The following JAKMIP1 variants were observed in gnomAD, a reference collection of about 807,000 sequenced individuals.
JAKMIP1 encodes the protein janus kinase and microtubule interacting protein 1.
Under a neutral mutation model 113.0 loss-of-function variants are expected in JAKMIP1, and 33 were observed. The observed-to-expected ratio is 0.29, with a 90% CI of 0.22 to 0.39. JAKMIP1 has a LOEUF of 0.39. Ranked by LOEUF, JAKMIP1 falls within the 10% of genes least tolerant of loss-of-function variation. The pLI, the probability that JAKMIP1 is intolerant of heterozygous loss-of-function variation, is 1.00. For synonymous variants in JAKMIP1, 480 were observed against 459.9 expected (o/e 1.04, Z -0.56); for missense variants, 813 against 1,080.5 (o/e 0.75, Z 3.47).
In JAKMIP1 at chr4:6,105,724, C is replaced by G; in HGVS notation, c.373G>C (p.Ala125Pro). The G allele has an allele frequency of 6.2e-7, 1 of 1,601,386 alleles. No individual in the cohort carries two copies. The highest frequency in any genetic ancestry group is 8.5e-7 in the Non-Finnish European group (1 of 1,177,334). ...AGCAGCGCCGTCTTGACCTTGTCGGCCGCGCCGTCGCGCAGCACGTTCAGC... is the reference window on the plus strand; with the variant it reads ...AGCAGCGCCGTCTTGACCTTGTCGGGCGCGCCGTCGCGCAGCACGTTCAGC... ...ATLNVLRDGA[A>P]DKVKTALLTE... The change falls in exon 3 of 21, where the codon GCC becomes CCC. Residue 125 changes from alanine to proline, a missense_variant. This residue lies in a region of JAKMIP1 where 540 missense variants were observed against 653.9 expected (regional missense o/e 0.83). Transcript: ENST00000409021.
rs1578224604 is a variant in JAKMIP1 at position 6,098,524 on chromosome 4, A to G, written c.624+6949T>C. Among the ~76,000 whole-genome samples the G allele has an allele frequency of 5.9e-5, 5 of 85,050 alleles. No individual in the cohort carries two copies. In the South Asian group the frequency reaches 2.0e-3, roughly 34 times the overall value. The allele number at this position is 85,050 out of a possible 152,430, so 55.8% of individuals were successfully genotyped here. ...AAGAAAGGAAAGGAAGGAAGGAAGAAAGAGAGAGAGAGAGAGAAAGAAAAA... is the reference window on the plus strand; with the variant it reads ...AAGAAAGGAAAGGAAGGAAGGAAGAGAGAGAGAGAGAGAGAGAAAGAAAAA... On this transcript the variant is annotated intron_variant, in intron 3 of 20. Transcript: ENST00000409021.
chr4:6,073,665 AG>A (rs1196236043), intron 8 of JAKMIP1, among the ~76,000 whole-genome samples: 1 of 152,224 alleles, frequency 6.6e-6, no homozygotes. Context: ...GCAAAGAACC[AG>A]AAGCTTCCTT....
rs1190327082 is a variant in JAKMIP1, at chr4:6,097,354, T to TA, written c.624+8118dup. ...ATCACTTCTTACACTTATTCACACA[T>TA]ACCACTGATACAGTGGAGAAGATAA... On this transcript the variant is annotated intron_variant, in intron 3 of 20. Transcript: ENST00000409021. The surrounding 1 kb of genome is among the most constrained non-coding windows in gnomAD (Gnocchi z 4.3). Among the ~76,000 whole-genome samples, 5 of 152,202 alleles carry TA rather than the reference T, an allele frequency of 3.3e-5. No individual in the cohort carries two copies. Among genetic ancestry groups the TA allele is most frequent in the Non-Finnish European group, 5.9e-5 (4 of 68,040 alleles).
chr4:6,122,241 G>A (rs568803831), intron 1 of JAKMIP1, among the ~76,000 whole-genome samples: 2 of 152,216 alleles, frequency 1.3e-5, no homozygotes, highest in South Asian at 2.1e-4. Flanking sequence ...CAGGAGATTC[G>A]CTTGAACCTA....
chr4:6,105,124 G>C (rs1713684494), intron 3 of JAKMIP1, among the ~76,000 whole-genome samples: 1 of 152,242 alleles, frequency 6.6e-6, no homozygotes, highest in African/African-American at 2.4e-5. Flanking sequence ...CAGTTGGCCG[G>C]CCTGCCCTGA....
chr4:6,085,596 G>A lies in JAKMIP1; in HGVS notation c.658C>T (p.Leu220=), dbSNP rs907093592. ...ACGCCAAGTTCCTTCTCCAAGGCCA[G>A]AATCACACGGTCTTTCCCTTTGATC... ...DEIKGKDRVI[L]ALEKELGVQA... The change falls in exon 4 of 21, where the codon CTG becomes TTG. Residue 220 remains leucine (L), a synonymous_variant. Coordinates refer to ENST00000409021, the MANE Select transcript of JAKMIP1 (RefSeq NM_001099433.2). 2 of 1,614,186 alleles carry A rather than the reference G, an allele frequency of 1.2e-6. No individual in the cohort carries two copies. Among genetic ancestry groups the A allele is most frequent in the African/African-American group, 1.3e-5 (1 of 75,062 alleles).
rs1157029525 is a variant in JAKMIP1, at chr4:6,112,766, T to G, written c.85A>C (p.Lys29Gln). 2 of 1,614,112 alleles carry G rather than the reference T, an allele frequency of 1.2e-6. No homozygotes were observed. Among genetic ancestry groups the G allele is most frequent in the East Asian group, 2.2e-5 (1 of 44,868 alleles). ...AACTCGATCTGAATGCTGGTCAGCT[T>G]GGCCCGCAGCTCCTCGTTGGCCATC... ...VQMANEELRA[K>Q]LTSIQIEFQQ... Residue 29 changes from lysine to glutamine, a missense_variant, in exon 2 of 21, where the codon AAG becomes CAG. Physicochemically the swap from Lys to Gln is moderately conservative, Grantham distance 53. This residue lies in a region of JAKMIP1 where 540 missense variants were observed against 653.9 expected (regional missense o/e 0.83). Transcript: ENST00000409021.
rs1272280883 is a variant in JAKMIP1, at chr4:6,188,421, G to A, written c.-148+11832C>T. On this transcript the variant is annotated intron_variant, in intron 1 of 20. Transcript: ENST00000409021. This position sits in a 1 kb window ranked among gnomAD's most constrained non-coding sequence, Gnocchi z 5.8. ...GCACAGGAGGTTCTGATAAGGAGAG[G>A]TCCTTTCTCCACTTCCAACAATAAA... Among the ~76,000 whole-genome samples the A allele has an allele frequency of 2.6e-5, 4 of 152,134 alleles. No individual in the cohort carries two copies. Among genetic ancestry groups the A allele is most frequent in the Non-Finnish European group, 4.4e-5 (3 of 68,036 alleles).
intron 2 of JAKMIP1, among the ~76,000 whole-genome samples, chr4:6,109,290 G>A (rs1442974927): frequency 2.0e-5 from 3 of 151,830 alleles, no homozygotes; most frequent in Non-Finnish European, 2.9e-5. Context: ...CCGCCACTGC[G>A]CCCGGCTAAT....
chr4:6,164,591 T>C (rs1280999099), intron 1 of JAKMIP1, among the ~76,000 whole-genome samples: 1 of 152,214 alleles, frequency 6.6e-6, no homozygotes, highest in Non-Finnish European at 1.5e-5. Context: ...ATTCCTCTGA[T>C]GTATCTGAGC....
chr4:6,105,861 T>C lies in JAKMIP1; in HGVS notation c.236A>G (p.Glu79Gly). 6.2e-7 allele frequency: 1 copy of C among 1,612,106 alleles called. No homozygotes were observed. The highest frequency in any genetic ancestry group is 8.5e-7 in the Non-Finnish European group (1 of 1,179,872). Residue 79 changes from glutamate to glycine, a missense_variant, in exon 3 of 21, where the codon GAG becomes GGG. Physicochemically the swap from Glu to Gly is moderately conservative, Grantham distance 98. Coordinates refer to ENST00000409021, the MANE Select transcript of JAKMIP1 (RefSeq NM_001099433.2). ...CAGCGCCTGCAGCTCCTTGGTCTTC[T>C]CCTCATGCAGCTTGGCCTTGAGCTC... ...ISELKAKLHEEKTKELQALRE... is the reference protein window; with the variant it reads ...ISELKAKLHEGKTKELQALRE...
chr4:6,046,096 C>T (rs1451655442), intron 16 of JAKMIP1, among the ~76,000 whole-genome samples: 1 of 152,154 alleles, frequency 6.6e-6, no homozygotes, highest in Non-Finnish European at 1.5e-5. Context: ...TCCCTGTTGG[C>T]CCACGACTGT....
At chr4:6,128,285 G>T (rs1366162404) in intron 1 of JAKMIP1, among the ~76,000 whole-genome samples, 1 of 152,184 alleles carries the variant, frequency 6.6e-6, no homozygotes, top group Non-Finnish European at 1.5e-5. Context: ...CTGCATCCAG[G>T]CTCCTGGACT....
In JAKMIP1 at chr4:6,029,743, C is replaced by T. The variant is rs979620455; in HGVS notation, c.2418G>A (p.Lys806=). 6.2e-7 allele frequency: 1 copy of T among 1,604,996 alleles called. No individual in the cohort carries two copies. The highest frequency in any genetic ancestry group is 8.5e-7 in the Non-Finnish European group (1 of 1,175,610). The change falls in exon 20 of 21, where the codon AAG becomes AAA. Residue 806 remains lysine, a synonymous_variant. Coordinates refer to ENST00000409021, the MANE Select transcript of JAKMIP1 (RefSeq NM_001099433.2). ...TTTCCTCCAGTTCTTTCAGGTGCCGCTTCTGAAACTCCAGTTTGTCCTCCA... is the reference window on the plus strand; with the variant it reads ...TTTCCTCCAGTTCTTTCAGGTGCCGTTTCTGAAACTCCAGTTTGTCCTCCA... The part of the protein sequence containing the change: ...RELEDKLEFQ[K]RHLKELEEKF...
chr4:6,150,126 C>T lies in JAKMIP1; in HGVS notation c.-147-37129G>A, dbSNP rs1333357749. 6.6e-6 allele frequency among the ~76,000 whole-genome samples: 1 copy of T among 152,182 alleles called. No homozygotes were observed. Among genetic ancestry groups the T allele is most frequent in the Non-Finnish European group, 1.5e-5 (1 of 68,036 alleles). On this transcript the variant is annotated intron_variant, in intron 1 of 20. Coordinates refer to ENST00000409021, the MANE Select transcript of JAKMIP1 (RefSeq NM_001099433.2). This position sits in a 1 kb window ranked among gnomAD's most constrained non-coding sequence, Gnocchi z 4.8. The stretch of plus-strand genomic sequence containing the variant: ...GCTCTGGGGAAGAAAGTGAATGATA[C>T]AGGTAGTGCCCCCTTCGGCTACTTC...
At position 6,168,928 on chromosome 4, in the gene JAKMIP1, T is replaced by C. The variant is rs913219589; in HGVS notation, c.-148+31325A>G. Among the ~76,000 whole-genome samples, 21 of 151,390 alleles carry C rather than the reference T, an allele frequency of 1.4e-4. No individual in the cohort carries two copies. The highest frequency in any genetic ancestry group is 4.4e-4 in the African/African-American group (18 of 41,242). On this transcript the variant is annotated intron_variant, in intron 1 of 20. Transcript: ENST00000409021. This position sits in a 1 kb window ranked among gnomAD's most constrained non-coding sequence, Gnocchi z 4.6. ...AAAATAAAAACAAAAAAAAAAATCATAGGGACAAGAAGTAGATGTAGTGGT... is the reference window on the plus strand; with the variant it reads ...AAAATAAAAACAAAAAAAAAAATCACAGGGACAAGAAGTAGATGTAGTGGT...
chr4:6,151,865 GAATTAAACAAGAC>G (rs1721608402), intron 1 of JAKMIP1, among the ~76,000 whole-genome samples: 1 of 152,186 alleles, frequency 6.6e-6, no homozygotes, highest in South Asian at 2.1e-4. Context: ...GTTGTTATGA[GAATTAAACAAGAC>G]AATATAAGTA....
intron 10 of JAKMIP1, 64 bp downstream of exon 10, chr4:6,062,248 G>C: frequency 6.3e-7 from 1 of 1,578,942 alleles, no homozygotes. Context: ...TCACACTTCT[G>C]GAAAGGACCT....
At position 6,040,599 on chromosome 4, in the gene JAKMIP1, G is replaced by A; in HGVS notation, c.2175+40C>T. 6.8e-7 allele frequency: 1 copy of A among 1,469,002 alleles called. No individual in the cohort carries two copies. The allele number at this position is 1,469,002 out of a possible 1,614,324, so 91.0% of individuals were successfully genotyped here. A position where few individuals can be genotyped will look rare whatever the true frequency, so the allele number is the denominator to read the frequency against. On this transcript the variant is annotated intron_variant, in intron 18 of 20. Transcript: ENST00000409021. This position sits in a 1 kb window ranked among gnomAD's most constrained non-coding sequence, Gnocchi z 5.8. Reference sequence around the variant, plus strand: ...AGGAAAAAGCAGCCTCTAATGTGGAGTCTAAGAAGCCAAAGTGTCAAACCC... The same window carrying A: ...AGGAAAAAGCAGCCTCTAATGTGGAATCTAAGAAGCCAAAGTGTCAAACCC...
Sources: gnomAD v4.1 joint callset for allele counts (sites outside exome capture counted in the v4.1 genomes callset) on GRCh38, gnomAD v4.1.1 for gene constraint, gnomAD v4.1.1 regional missense constraint, Gnocchi (gnomAD v3.1) non-coding constraint, MANE v1.5 for transcripts, NCBI Gene and HGNC (gene_info 2026-07-23, HGNC 2026-07-21) for gene names.